SAMD8: variants seen among roughly 807,000 people sequenced by gnomAD.
The protein encoded by SAMD8 is sphingomyelin synthase-related protein 1.
A neutral mutation model predicts 42.0 loss-of-function variants in SAMD8; 20 were observed. The observed-to-expected ratio is 0.48, with a 90% CI of 0.34 to 0.69. SAMD8 has a LOEUF of 0.69. Among genes scored for constraint, SAMD8 ranks in the 30% least tolerant of loss-of-function variants. SAMD8 has a pLI of 0.01. For synonymous variants in SAMD8, 162 were observed against 173.0 expected (o/e 0.94, Z 0.50); for missense variants, 328 against 511.6 (o/e 0.64, Z 3.46).
intron 1 of SAMD8, among the ~76,000 whole-genome samples, chr10:75,133,213 C>A (rs1211158679): frequency 6.7e-6 from 1 of 148,660 alleles, no homozygotes; most frequent in Non-Finnish European, 1.5e-5. Context: ...CCAACCTGGG[C>A]AGCATGGCAA....
At chr10:75,111,504 C>T (rs1848765773), upstream of SAMD8, 3 of 1,226,108 alleles carry the variant, frequency 2.4e-6, no homozygotes, top group Non-Finnish European at 2.0e-6. Flanking sequence ...AGTTCCGGTT[C>T]GGCTCCGAGC....
intron 1 of SAMD8, among the ~76,000 whole-genome samples, chr10:75,123,214 G>A (rs1210576918): frequency 9.4e-6 from 1 of 106,030 alleles, no homozygotes; most frequent in African/African-American, 3.2e-5. Context: ...ACCCCACCCT[G>A]TGCAGGGGGT....
rs917136707 is a variant in SAMD8, at chr10:75,104,192, C to T, written c.-16+4464C>T. On this transcript the variant is annotated intron_variant, in intron 1 of 3. Coordinates refer to the SAMD8 transcript ENST00000447533. ...GCAGGGATAAGAGCTGTCACCTAAA[C>T]CTGCTTCTGCCTTGAGCCCTGTGCA... The T allele has an allele frequency of 1.7e-5, 14 of 835,046 alleles. No homozygotes were observed. In the Admixed American group the frequency reaches 2.4e-4, roughly 14 times the overall value. 51.7% of individuals were successfully genotyped at this position (835,046 alleles called of 1,614,324 possible).
rs564761105 is a variant in SAMD8 at position 75,172,017 on chromosome 10, C to T, written c.792+3359C>T. ...CTCCAGCCTGGGTGACAGAGCGAGA[C>T]TCCATCTCAAAAAAAAAAAAAAAAG... On this transcript the variant is annotated intron_variant, in intron 4 of 5. Transcript: ENST00000542569. Among the ~76,000 whole-genome samples, 183 of 147,516 alleles carry T rather than the reference C, an allele frequency of 1.2e-3. 1 individual carries two copies. Among genetic ancestry groups the T allele is most frequent in the Middle Eastern group, 0.011 (3 of 284 alleles).
At chr10:75,101,872 G>A (rs778285485) in intron 1 of SAMD8, 2 of 1,366,570 alleles carry the variant, frequency 1.5e-6, no homozygotes, top group Admixed American at 3.8e-5. Flanking sequence ...CCCACCTGTG[G>A]GAGTATCTGG....
chr10:75,134,342 A>G (rs1158495890), intron 1 of SAMD8, among the ~76,000 whole-genome samples: 2 of 152,178 alleles, frequency 1.3e-5, no homozygotes, highest in Non-Finnish European at 2.9e-5. Context: ...GGAATTTAAA[A>G]TAAAATAACA....
intron 3 of SAMD8, among the ~76,000 whole-genome samples, chr10:75,165,158 C>T (rs919238588): frequency 1.3e-5 from 2 of 152,122 alleles, no homozygotes; most frequent in Non-Finnish European, 2.9e-5. Context: ...GGCGTGGTGG[C>T]GCATGCCTAT....
At chr10:75,117,980 T>C (rs1239673967) in intron 1 of SAMD8, among the ~76,000 whole-genome samples, 2 of 152,196 alleles carry the variant, frequency 1.3e-5, no homozygotes, top group African/African-American at 4.8e-5. Context: ...GGATTTGGTG[T>C]AGATAACTTG....
chr10:75,120,745 A>G (rs1223550846), intron 1 of SAMD8, among the ~76,000 whole-genome samples: 1 of 141,242 alleles, frequency 7.1e-6, no homozygotes, highest in Non-Finnish European at 1.6e-5. Flanking sequence ...TAGCTTAATT[A>G]CGTTGTTATG....
At chr10:75,147,019 A>G (rs773288994) in intron 1 of SAMD8, among the ~76,000 whole-genome samples, 5 of 152,222 alleles carry the variant, frequency 3.3e-5, no homozygotes, top group African/African-American at 4.8e-5. Flanking sequence ...GCATTCCCAC[A>G]GCAGGCTCAA....
At chr10:75,159,569 A>T (rs1840509746) in intron 2 of SAMD8, among the ~76,000 whole-genome samples, 1 of 152,198 alleles carries the variant, frequency 6.6e-6, no homozygotes, top group African/African-American at 2.4e-5. Context: ...CATCCAGCAG[A>T]TACGTCTCCG....
intron 1 of SAMD8, chr10:75,101,966 T>A: frequency 1.5e-6 from 2 of 1,367,354 alleles, no homozygotes; most frequent in Non-Finnish European, 2.0e-6. Context: ...CTGTTTCTAT[T>A]TTTTGATTTG....
chr10:75,100,289 C>T (rs1032653151), intron 1 of SAMD8, among the ~76,000 whole-genome samples: 3 of 152,148 alleles, frequency 2.0e-5, no homozygotes, highest in Admixed American at 1.3e-4. Flanking sequence ...GGGCTCTCCC[C>T]TGGACTTAGC....
upstream of SAMD8, among the ~76,000 whole-genome samples, chr10:75,110,286 C>G (rs1464138292): frequency 6.6e-6 from 1 of 152,210 alleles, no homozygotes; most frequent in African/African-American, 2.4e-5. Flanking sequence ...AGGGAGATTC[C>G]TCTGCCTATA....
intron 2 of SAMD8, among the ~76,000 whole-genome samples, chr10:75,161,898 G>A (rs538335715): frequency 1.5e-4 from 23 of 152,112 alleles, no homozygotes; most frequent in African/African-American, 4.8e-4. Flanking sequence ...TTAGCCAGGC[G>A]TGGTGGCAGG....
chr10:75,165,504 A>T (rs922617918), intron 3 of SAMD8, among the ~76,000 whole-genome samples: 6 of 151,520 alleles, frequency 4.0e-5, no homozygotes, highest in African/African-American at 1.5e-4. Context: ...CCCTGTCTCT[A>T]CTAAAAATAC....
intron 1 of SAMD8, among the ~76,000 whole-genome samples, chr10:75,117,348 G>A (rs1056783752): frequency 2.0e-5 from 3 of 151,844 alleles, no homozygotes; most frequent in Non-Finnish European, 4.4e-5. Context: ...CCTGAGCCCA[G>A]GAGGTCAAAG....
At position 75,138,895 on chromosome 10, in the gene SAMD8, C is replaced by T. The variant is rs369494901; in HGVS notation, c.-15-11619C>T. Among the ~76,000 whole-genome samples, 37 of 151,748 alleles carry T rather than the reference C, an allele frequency of 2.4e-4. No individual in the cohort carries two copies. The South Asian group carries it at 7.5e-3, about 31-fold the overall frequency. On this transcript the variant is annotated intron_variant, in intron 1 of 5. Transcript: ENST00000542569. ...AATTCCTGTTGATAATCGGATTCTG[C>T]AGGAATGACTGTTCTCTCAGCACCT...
At position 75,167,895 on chromosome 10, in the gene SAMD8, C is replaced by T. The variant is rs141792338; in HGVS notation, c.675-646C>T. Among the ~76,000 whole-genome samples, 37 of 152,308 alleles carry T rather than the reference C, an allele frequency of 2.4e-4. 1 individual carries two copies. In the East Asian group the frequency reaches 4.1e-3, roughly 17 times the overall value. ...AGCATGAGCCACCATCCTCGGCCAA[C>T]TTTATCTCTTATAAATAATTTAAGA... On this transcript the variant is annotated intron_variant, in intron 3 of 5. Transcript: ENST00000542569.
Sources: allele counts gnomAD v4.1 joint callset (sites outside exome capture counted in the v4.1 genomes callset), GRCh38; gene constraint gnomAD v4.1.1; transcripts MANE v1.5; gene names NCBI Gene and HGNC (gene_info 2026-07-23, HGNC 2026-07-21).